The following TSHZ2 variants were observed in gnomAD, a reference collection of about 807,000 sequenced individuals.
TSHZ2 encodes the protein teashirt zinc finger homeobox 2.
A neutral mutation model predicts 74.4 loss-of-function variants in TSHZ2; 21 were observed. The ratio of observed to expected loss-of-function variants is 0.28; its 90% CI spans 0.20 to 0.41. TSHZ2 has a LOEUF of 0.41. Ranked by LOEUF, TSHZ2 falls within the 10% of genes least tolerant of loss-of-function variation. The pLI is 1.00. For synonymous variants in TSHZ2, 540 were observed against 515.3 expected (o/e 1.05, Z -0.65); for missense variants, 1,244 against 1,293.5 (o/e 0.96, Z 0.59).
intron 1 of TSHZ2, among the ~76,000 whole-genome samples, chr20:53,003,864 T>C (rs1262814643): frequency 2.6e-5 from 4 of 152,166 alleles, no homozygotes; most frequent in Non-Finnish European, 4.4e-5. Context: ...CAATTCTTTC[T>C]TTCCTTCTCT....
intron 2 of TSHZ2, among the ~76,000 whole-genome samples, chr20:53,420,656 G>A (rs1214882893): frequency 1.3e-5 from 2 of 152,132 alleles, no homozygotes; most frequent in African/African-American, 2.4e-5. Flanking sequence ...GCAGGAGAGT[G>A]GGAGGCTGAG....
chr20:53,051,035 C>T (rs1302664967), intron 1 of TSHZ2, among the ~76,000 whole-genome samples: 1 of 152,178 alleles, frequency 6.6e-6, no homozygotes, highest in African/African-American at 2.4e-5. Context: ...TAACAGAACT[C>T]CTTATTCAAG....
At chr20:53,200,402 GA>G (rs1242685111) in intron 1 of TSHZ2, among the ~76,000 whole-genome samples, 1 of 152,240 alleles carries the variant, frequency 6.6e-6, no homozygotes, top group East Asian at 1.9e-4. Context: ...ACGAAGGAGA[GA>G]GGGGAGGAAA....
At chr20:52,973,398 C>CT in intron 1 of TSHZ2, 65 bp downstream of exon 1, 1 of 1,541,336 alleles carries the variant, frequency 6.5e-7, no homozygotes, top group South Asian at 1.2e-5. Context: ...CCCTCCTTGC[C>CT]CCTGGGTGCC....
intron 2 of TSHZ2, among the ~76,000 whole-genome samples, chr20:53,461,921 T>C (rs181118212): frequency 1.1e-3 from 167 of 151,594 alleles, no homozygotes; most frequent in African/African-American, 3.9e-3. Flanking sequence ...GTAAACCTAT[T>C]CAAAACTGAA....
At chr20:53,098,815 C>T (rs998328360) in intron 1 of TSHZ2, among the ~76,000 whole-genome samples, 1 of 152,154 alleles carries the variant, frequency 6.6e-6, no homozygotes, top group Non-Finnish European at 1.5e-5. Flanking sequence ...CCTGATCTAT[C>T]CCAAGAGTCC....
At chr20:53,465,445 A>G (rs1985526224) in intron 2 of TSHZ2, among the ~76,000 whole-genome samples, 1 of 151,972 alleles carries the variant, frequency 6.6e-6, no homozygotes, top group Admixed American at 6.6e-5. Flanking sequence ...TAATTTTTGT[A>G]TTTTTAGTAA....
chr20:53,293,858 A>T (rs1489949783), intron 2 of TSHZ2, among the ~76,000 whole-genome samples: 6 of 152,052 alleles, frequency 3.9e-5, no homozygotes, highest in Non-Finnish European at 8.8e-5. Flanking sequence ...TCTACTAAAA[A>T]TACAAAAATT....
intron 2 of TSHZ2, among the ~76,000 whole-genome samples, chr20:53,381,837 T>G (rs1212415719): frequency 6.6e-6 from 1 of 152,220 alleles, no homozygotes; most frequent in Non-Finnish European, 1.5e-5. Flanking sequence ...CTACACTGCA[T>G]CCACAGAGAT....
chr20:53,096,933 CAAAA>C (rs922937368), intron 1 of TSHZ2, among the ~76,000 whole-genome samples: 2 of 139,374 alleles, frequency 1.4e-5, no homozygotes, highest in African/African-American at 5.6e-5. Context: ...AAAACAAAAA[CAAAA>C]AACAAAAAAC....
chr20:53,270,267 C>G (rs1345353447), intron 2 of TSHZ2, among the ~76,000 whole-genome samples: 1 of 152,074 alleles, frequency 6.6e-6, no homozygotes, highest in South Asian at 2.1e-4. Flanking sequence ...AGTGTGTGCC[C>G]CTGGCTGGCC....
intron 2 of TSHZ2, among the ~76,000 whole-genome samples, chr20:53,291,582 G>A (rs1296634370): frequency 1.3e-5 from 2 of 151,886 alleles, no homozygotes; most frequent in African/African-American, 4.8e-5. Flanking sequence ...TTCATCAAAT[G>A]TTATTATATA....
In TSHZ2 at chr20:53,254,926, A is replaced by C. The variant is rs750530620; in HGVS notation, c.1468A>C (p.Lys490Gln). 7 of 1,613,688 alleles carry C rather than the reference A, an allele frequency of 4.3e-6. No homozygotes were observed. In the African/African-American group the frequency reaches 5.3e-5, roughly 12 times the overall value. Residue 490 changes from lysine (K) to glutamine (Q), a missense_variant, in exon 2 of 3, where the codon AAA becomes CAA. Around this residue, in one of 6 missense-constraint regions of TSHZ2, gnomAD observed 562 missense variants for 544.0 expected, o/e 1.03. Transcript: ENST00000371497. Reference sequence around the variant, plus strand: ...CGAGGACTATGAAGATCCTCTACAAAAACCTTTAGACCCTACAATCAAATA... The same window carrying C: ...CGAGGACTATGAAGATCCTCTACAACAACCTTTAGACCCTACAATCAAATA... ...KSEDYEDPLQ[K>Q]PLDPTIKYQY... is the part of the protein sequence containing the mutation.
intron 1 of TSHZ2, among the ~76,000 whole-genome samples, chr20:52,997,830 G>A (rs1982262852): frequency 6.6e-6 from 1 of 152,172 alleles, no homozygotes; most frequent in African/African-American, 2.4e-5. Flanking sequence ...AAATCCAGAG[G>A]AATCCTAGGA....
chr20:53,095,457 C>T (rs1235701706), intron 1 of TSHZ2, among the ~76,000 whole-genome samples: 1 of 152,136 alleles, frequency 6.6e-6, no homozygotes, highest in Non-Finnish European at 1.5e-5. Context: ...AGCCAGCCCC[C>T]TGAGAATCAC....
intron 1 of TSHZ2, among the ~76,000 whole-genome samples, chr20:53,025,622 A>G (rs909129948): frequency 1.3e-5 from 2 of 152,208 alleles, no homozygotes; most frequent in African/African-American, 4.8e-5. Flanking sequence ...ATCTAGAACA[A>G]GTCAGGACAC....
intron 2 of TSHZ2, among the ~76,000 whole-genome samples, chr20:53,358,165 A>G (rs899606955): frequency 4.6e-5 from 7 of 151,984 alleles, no homozygotes; most frequent in Non-Finnish European, 1.0e-4. Flanking sequence ...TTGCCACCTA[A>G]CATCCTTGTA....
At chr20:53,192,331 A>G (rs1268562951) in intron 1 of TSHZ2, among the ~76,000 whole-genome samples, 3 of 151,934 alleles carry the variant, frequency 2.0e-5, no homozygotes, top group Non-Finnish European at 4.4e-5. Flanking sequence ...TTGCTTGTGC[A>G]TGTCAGACAA....
At chr20:53,333,329 AAC>A (rs1979802068) in intron 2 of TSHZ2, among the ~76,000 whole-genome samples, 1 of 152,206 alleles carries the variant, frequency 6.6e-6, no homozygotes, top group Non-Finnish European at 1.5e-5. Flanking sequence ...GCAGATTGAA[AAC>A]ACAATTAGAG....
Sources: gnomAD v4.1 joint callset for allele counts (sites outside exome capture counted in the v4.1 genomes callset) on GRCh38, gnomAD v4.1.1 for gene constraint, gnomAD v4.1.1 regional missense constraint, MANE v1.5 for transcripts, NCBI Gene and HGNC (gene_info 2026-07-23, HGNC 2026-07-21) for gene names.